Variants in TNFRSF11B observed in about 807,000 individuals in gnomAD.
TNFRSF11B encodes tumor necrosis factor receptor superfamily member 11B.
TNFRSF11B carries 16 observed loss-of-function variants against 43.4 expected under a neutral mutation model. The observed-to-expected ratio is 0.37, with a 90% CI of 0.25 to 0.56. TNFRSF11B has a LOEUF of 0.56. TNFRSF11B is among the 20% of genes least tolerant of loss of function. The probability of loss-of-function intolerance (pLI) is 0.80; values close to 1 mark genes in which losing one functional copy is unlikely to be tolerated. For synonymous variants in TNFRSF11B, 185 were observed against 181.8 expected, an observed-to-expected ratio of 1.02 and a Z score of -0.14; for missense variants, 444 against 490.1, an observed-to-expected ratio of 0.91 and a Z score of 0.89.
chr8:118,937,370 C>A (rs1188552588), intron 1 of TNFRSF11B, among the ~76,000 whole-genome samples: 2 of 152,148 alleles, frequency 1.3e-5, no homozygotes, highest in African/African-American at 4.8e-5. Context: ...TATAGCAGAA[C>A]TCTTTACCAA....
chr8:118,931,787 A>G (rs1175668121), intron 2 of TNFRSF11B, among the ~76,000 whole-genome samples: 1 of 152,232 alleles, frequency 6.6e-6, no homozygotes, highest in Non-Finnish European at 1.5e-5. Context: ...TTGGTCGTCT[A>G]ATAATTTAGA....
intron 3 of TNFRSF11B, among the ~76,000 whole-genome samples, chr8:118,928,419 G>A (rs181363931): frequency 6.6e-6 from 1 of 152,298 alleles, no homozygotes; most frequent in East Asian, 1.9e-4. Flanking sequence ...CACACAACTT[G>A]AATTCTACAG....
At chr8:118,942,912 TCTACCTACCTTC>T (rs1041800191) in intron 1 of TNFRSF11B, among the ~76,000 whole-genome samples, 1 of 152,080 alleles carries the variant, frequency 6.6e-6, no homozygotes, top group African/African-American at 2.4e-5. Flanking sequence ...TATCTATCCA[TCTACCTACCTTC>T]CTACCTACCT....
In TNFRSF11B at chr8:118,944,673, C is replaced by T. The variant is rs113980921; in HGVS notation, c.30+7119G>A. On this transcript the variant is annotated intron_variant, in intron 1 of 4. Transcript: ENST00000297350. ...AGAGACAGGAAACAGAGCGTGGGTGCAGAGGTCTCTGTCTATCAGCCTGGT... is the reference window on the plus strand; with the variant it reads ...AGAGACAGGAAACAGAGCGTGGGTGTAGAGGTCTCTGTCTATCAGCCTGGT... Among the ~76,000 whole-genome samples the T allele has an allele frequency of 7.8e-4, 119 of 152,110 alleles. 1 individual carries two copies. Among genetic ancestry groups the T allele is most frequent in the African/African-American group, 2.8e-3 (115 of 41,498 alleles).
chr8:118,942,414 C>G (rs1812499451), intron 1 of TNFRSF11B, among the ~76,000 whole-genome samples: 1 of 151,984 alleles, frequency 6.6e-6, no homozygotes, highest in African/African-American at 2.4e-5. Flanking sequence ...TGACAATGGA[C>G]AGCTAGTGCA....
chr8:118,949,411 G>A (rs1403440300), intron 1 of TNFRSF11B, among the ~76,000 whole-genome samples: 1 of 152,110 alleles, frequency 6.6e-6, no homozygotes, highest in African/African-American at 2.4e-5. Flanking sequence ...AGTTATCTGT[G>A]AGCATCATGC....
rs532092829 is a variant in TNFRSF11B at position 118,935,021 on chromosome 8, C to T, written c.31-1721G>A. On this transcript the variant is annotated intron_variant, in intron 1 of 4. Transcript: ENST00000297350. ...GAAGAGAAGAATGAAACATCTCATC[C>T]GGTCATTGACCTCTTCACAGAGACA... 2.2e-4 allele frequency among the ~76,000 whole-genome samples: 33 copies of T among 152,290 alleles called. No individual in the cohort carries two copies. In the South Asian group the frequency reaches 5.2e-3, roughly 24 times the overall value.
At chr8:118,948,163 T>C (rs1812593471) in intron 1 of TNFRSF11B, among the ~76,000 whole-genome samples, 1 of 152,198 alleles carries the variant, frequency 6.6e-6, no homozygotes, top group Admixed American at 6.5e-5. Context: ...CCTGATAATT[T>C]TGGCATCTCT....
At chr8:118,931,435 C>G (rs1158945068) in intron 2 of TNFRSF11B, among the ~76,000 whole-genome samples, 1 of 152,094 alleles carries the variant, frequency 6.6e-6, no homozygotes, top group Non-Finnish European at 1.5e-5. Context: ...CATTATTTTT[C>G]AAAATTTTCT....
At chr8:118,936,439 T>G (rs1348410023) in intron 1 of TNFRSF11B, among the ~76,000 whole-genome samples, 1 of 152,074 alleles carries the variant, frequency 6.6e-6, no homozygotes, top group Non-Finnish European at 1.5e-5. Flanking sequence ...TAGCCCCAAT[T>G]CCCACACAGA....
At chr8:118,941,334 C>G (rs1812482208) in intron 1 of TNFRSF11B, among the ~76,000 whole-genome samples, 5 of 152,172 alleles carry the variant, frequency 3.3e-5, no homozygotes, top group Admixed American at 3.3e-4. Flanking sequence ...AGGATTATGT[C>G]TCTAGGTAAG....
chr8:118,951,761 C>T (rs1812650241), intron 1 of TNFRSF11B, 31 bp downstream of exon 1: 1 of 1,575,484 alleles, frequency 6.3e-7, no homozygotes. Context: ...CCCCAGGCGC[C>T]GGGCACCCGT....
chr8:118,940,239 T>C (rs2129911035), intron 1 of TNFRSF11B, among the ~76,000 whole-genome samples: 1 of 152,044 alleles, frequency 6.6e-6, no homozygotes, highest in South Asian at 2.1e-4. Context: ...AAATGATGAG[T>C]TGATGGGTGC....
intron 1 of TNFRSF11B, among the ~76,000 whole-genome samples, chr8:118,940,366 A>T (rs1446350407): frequency 6.6e-6 from 1 of 152,240 alleles, no homozygotes; most frequent in Non-Finnish European, 1.5e-5. Flanking sequence ...AGATCTGAAA[A>T]GTGCACAGCT....
intron 1 of TNFRSF11B, among the ~76,000 whole-genome samples, chr8:118,948,000 T>C (rs1183510036): frequency 6.6e-6 from 1 of 152,222 alleles, no homozygotes; most frequent in Non-Finnish European, 1.5e-5. Context: ...TATATTGATT[T>C]TTAAAAATTA....
chr8:118,946,596 T>A (rs1468528457), intron 1 of TNFRSF11B, among the ~76,000 whole-genome samples: 1 of 152,142 alleles, frequency 6.6e-6, no homozygotes, highest in Non-Finnish European at 1.5e-5. Context: ...TATTTTGATT[T>A]TTGTTTTCTT....
intron 1 of TNFRSF11B, among the ~76,000 whole-genome samples, chr8:118,942,106 A>G (rs957465503): frequency 2.0e-5 from 3 of 152,116 alleles, no homozygotes; most frequent in Non-Finnish European, 2.9e-5. Context: ...TCTAGGGTAC[A>G]TGTGCACAAC....
At chr8:118,927,553 T>TTA (rs1812260676) in intron 3 of TNFRSF11B, among the ~76,000 whole-genome samples, 1 of 149,064 alleles carries the variant, frequency 6.7e-6, no homozygotes, top group African/African-American at 2.5e-5. Flanking sequence ...CTTCCTTCAT[T>TTA]TTTTTTTTTT....
intron 1 of TNFRSF11B, among the ~76,000 whole-genome samples, chr8:118,949,381 A>G (rs1224699257): frequency 1.3e-5 from 2 of 152,148 alleles, no homozygotes; most frequent in Non-Finnish European, 2.9e-5. Flanking sequence ...ATTCACTTGG[A>G]TCTAGATTGT....
Sources: gnomAD v4.1 joint callset for allele counts (sites outside exome capture counted in the v4.1 genomes callset) on GRCh38, gnomAD v4.1.1 for gene constraint, MANE v1.5 for transcripts, NCBI Gene and HGNC (gene_info 2026-07-23, HGNC 2026-07-21) for gene names.